Variants in TWSG1 observed in about 807,000 individuals in gnomAD.
TWSG1 encodes twisted gastrulation protein homolog 1.
Under a neutral mutation model 23.0 loss-of-function variants are expected in TWSG1, and 15 were observed. That is an observed-to-expected ratio of 0.65 (90% confidence interval 0.44 to 1.00). The LOEUF (loss-of-function observed/expected upper bound fraction) is 1.00. Among genes scored for constraint, TWSG1 ranks in the 50% least tolerant of loss-of-function variants. The pLI is 0.00. For missense variants in TWSG1, 242 were observed against 278.7 expected (o/e 0.87, Z 0.94); for synonymous variants, 86 against 92.8 (o/e 0.93, Z 0.42).
At chr18:9,371,165 C>G (rs56349417) in intron 3 of TWSG1, among the ~76,000 whole-genome samples, 18,135 of 152,078 alleles carry the variant, frequency 0.12, 1,276 homozygotes, top group Middle Eastern at 0.27. Context: ...TAAGTTGCCA[C>G]AAAAGGAGGT....
chr18:9,359,916 G>A, intron 2 of TWSG1, 56 bp from the exon 3 acceptor site: 1 of 1,407,642 alleles, frequency 7.1e-7, no homozygotes, highest in Non-Finnish European at 1.0e-6. Flanking sequence ...TTAAAAAGTA[G>A]CAGTTTTATA....
At chr18:9,391,363 T>C (rs2040711864) in intron 3 of TWSG1, among the ~76,000 whole-genome samples, 1 of 152,202 alleles carries the variant, frequency 6.6e-6, no homozygotes, top group Admixed American at 6.5e-5. Context: ...TCTTCTAAAC[T>C]CCTGATAATG....
At chr18:9,383,391 A>C (rs2040668365) in intron 3 of TWSG1, among the ~76,000 whole-genome samples, 1 of 151,902 alleles carries the variant, frequency 6.6e-6, no homozygotes, top group Admixed American at 6.6e-5. Flanking sequence ...ACAGGTTTTC[A>C]CCATGTTGGC....
Position 9,399,630 on chromosome 18 carries a change from A to C in TWSG1, c.*103A>C. 1 of 1,032,116 alleles carries C rather than the reference A, an allele frequency of 9.7e-7. No homozygotes were observed. Among genetic ancestry groups the C allele is most frequent in the Non-Finnish European group, 1.4e-6 (1 of 734,588 alleles). The allele number at this position is 1,032,116 out of a possible 1,614,324, so 63.9% of individuals were successfully genotyped here. On this transcript the variant is annotated 3_prime_UTR_variant, in exon 5 of 5. Transcript: ENST00000262120. ...CTTGTATCAGAATCCCAGTAAGTTA[A>C]GTTGTAAAGACTTTGGAATAAGTTT...
rs1381422413 is a variant in TWSG1, at chr18:9,376,129, C to G, written c.223+16058C>G. ...AAAGGGTTTCACCATGTTTGCTATG[C>G]TGGCTTCAAACTCCTGACCTCAAGT... On this transcript the variant is annotated intron_variant, in intron 3 of 4. Coordinates refer to ENST00000262120, the MANE Select transcript of TWSG1 (RefSeq NM_020648.6). Among the ~76,000 whole-genome samples, 29 of 152,122 alleles carry G rather than the reference C, an allele frequency of 1.9e-4. 1 individual carries two copies. The highest frequency in any genetic ancestry group is 1.9e-3 in the Admixed American group (29 of 15,270).
chr18:9,382,814 AAAAAAC>A (rs71168052), intron 3 of TWSG1, among the ~76,000 whole-genome samples: 5 of 137,070 alleles, frequency 3.6e-5, no homozygotes, highest in African/African-American at 1.1e-4. Context: ...CTCAAAAAAA[AAAAAAC>A]AAAAACAAAA....
intron 1 of TWSG1, among the ~76,000 whole-genome samples, chr18:9,336,197 G>C (rs1451856624): frequency 6.6e-6 from 1 of 152,060 alleles, no homozygotes; most frequent in Non-Finnish European, 1.5e-5. Context: ...ATCGAGACCA[G>C]CCTGGCCAAT....
intron 2 of TWSG1, among the ~76,000 whole-genome samples, chr18:9,357,772 CAAG>C (rs1404736613): frequency 1.3e-5 from 2 of 151,638 alleles, no homozygotes; most frequent in Non-Finnish European, 2.9e-5. Context: ...TGTTCACAAT[CAAG>C]GAGGTAAGTG....
chr18:9,376,946 A>G (rs2040633118), intron 3 of TWSG1, among the ~76,000 whole-genome samples: 1 of 152,056 alleles, frequency 6.6e-6, no homozygotes, highest in Admixed American at 6.6e-5. Flanking sequence ...AACTGTTTAC[A>G]TGTTACTTAA....
Position 9,402,157 on chromosome 18 carries a change from G to A in TWSG1, c.*2630G>A, listed in dbSNP as rs188189175. 2.0e-4 allele frequency: 31 copies of A among 152,214 alleles called. No homozygotes were observed. Among genetic ancestry groups the A allele is most frequent in the African/African-American group, 6.3e-4 (26 of 41,554 alleles). The allele number at this position is 152,214 out of a possible 1,614,324, so 9.4% of individuals were successfully genotyped here. A position where few individuals can be genotyped will look rare whatever the true frequency, so the allele number is the denominator to read the frequency against. ...AAATTCCAGAAAGCAAAATTGATAA[G>A]ATGTTAGAAATTTGGACCATTATTT... On this transcript the variant is annotated 3_prime_UTR_variant, in exon 5 of 5. Transcript: ENST00000262120.
At chr18:9,396,764 A>AT (rs2040738962) in intron 4 of TWSG1, 1 of 617,710 alleles carries the variant, frequency 1.6e-6, no homozygotes, top group Admixed American at 3.4e-5. Flanking sequence ...CCTTGAGTAG[A>AT]TAAAAAGGCA....
Position 9,384,346 on chromosome 18 carries a change from G to A in TWSG1, c.224-11934G>A, listed in dbSNP as rs185177233. Among the ~76,000 whole-genome samples the A allele has an allele frequency of 1.5e-3, 230 of 152,276 alleles. 2 individuals carry two copies. The highest frequency in any genetic ancestry group is 5.1e-3 in the African/African-American group (213 of 41,558). ...GGGGCCTATAAGGTTCCCAAGTGGC[G>A]ATGTTCTGTAGGAAGTTGGATACAA... On this transcript the variant is annotated intron_variant, in intron 3 of 4. Coordinates refer to ENST00000262120, the MANE Select transcript of TWSG1 (RefSeq NM_020648.6).
At chr18:9,351,713 C>T (rs1404346210) in intron 2 of TWSG1, among the ~76,000 whole-genome samples, 1 of 150,650 alleles carries the variant, frequency 6.6e-6, no homozygotes, top group Non-Finnish European at 1.5e-5. Flanking sequence ...GGCTCCATCT[C>T]AGCTCACTGC....
At chr18:9,345,790 C>G (rs374087402) in intron 2 of TWSG1, among the ~76,000 whole-genome samples, 84 of 152,108 alleles carry the variant, frequency 5.5e-4, no homozygotes, top group African/African-American at 1.9e-3. Flanking sequence ...TGTAATAAAG[C>G]CAGCTGGGAT....
chr18:9,361,787 T>C (rs1194096272), intron 3 of TWSG1, among the ~76,000 whole-genome samples: 2 of 152,240 alleles, frequency 1.3e-5, no homozygotes, highest in Admixed American at 1.3e-4. Context: ...CTCTTTGGTT[T>C]AATTTCTCTA....
chr18:9,390,730 G>A (rs932971895), intron 3 of TWSG1, among the ~76,000 whole-genome samples: 1 of 152,144 alleles, frequency 6.6e-6, no homozygotes, highest in Non-Finnish European at 1.5e-5. Context: ...TTCAAAATTA[G>A]GCCAGGTGCA....
chr18:9,396,216 T>C, intron 3 of TWSG1, 64 bp from the exon 4 acceptor site: 5 of 1,324,756 alleles, frequency 3.8e-6, no homozygotes, highest in Non-Finnish European at 5.2e-6. Context: ...ATAATTTTAA[T>C]GTGTTATAGC....
At chr18:9,371,911 G>A (rs950925466) in intron 3 of TWSG1, among the ~76,000 whole-genome samples, 3 of 151,072 alleles carry the variant, frequency 2.0e-5, no homozygotes, top group East Asian at 2.0e-4. Context: ...GACTACAGGC[G>A]CACATCACCA....
intron 3 of TWSG1, among the ~76,000 whole-genome samples, chr18:9,365,760 G>T (rs898131318): frequency 7.2e-5 from 11 of 152,138 alleles, no homozygotes; most frequent in Non-Finnish European, 1.6e-4. Flanking sequence ...CAGCACTTTG[G>T]GAGGCCTAAG....
Sources: allele counts gnomAD v4.1 joint callset (sites outside exome capture counted in the v4.1 genomes callset), GRCh38; gene constraint gnomAD v4.1.1; transcripts MANE v1.5; gene names NCBI Gene and HGNC (gene_info 2026-07-23, HGNC 2026-07-21).